The following ATAD1 variants were observed in gnomAD, a reference collection of about 807,000 sequenced individuals.
The protein encoded by ATAD1 is ATPase family AAA domain containing 1, also known as outer mitochondrial transmembrane helix translocase.
Under a neutral mutation model 42.7 loss-of-function variants are expected in ATAD1, and 18 were observed. The observed-to-expected ratio is 0.42, with a 90% CI of 0.29 to 0.63. The LOEUF (loss-of-function observed/expected upper bound fraction) is 0.63. Ranked by LOEUF, ATAD1 falls within the 20% of genes least tolerant of loss-of-function variation. The probability of loss-of-function intolerance (pLI) is 0.19; values close to 1 mark genes in which losing one functional copy is unlikely to be tolerated. For synonymous variants in ATAD1, 132 were observed against 143.1 expected (o/e 0.92, Z 0.55); for missense variants, 294 against 440.4 (o/e 0.67, Z 2.98).
intron 1 of ATAD1, among the ~76,000 whole-genome samples, chr10:87,830,352 A>G (rs958927887): frequency 1.3e-5 from 2 of 152,192 alleles, no homozygotes; most frequent in Non-Finnish European, 2.9e-5. Context: ...TTGCTTTACT[A>G]TCTTACAAGT....
chr10:87,788,895 A>G (rs182983751), intron 4 of ATAD1, among the ~76,000 whole-genome samples: 2 of 152,176 alleles, frequency 1.3e-5, no homozygotes, highest in African/African-American at 2.4e-5. Context: ...GCAGGGGGGA[A>G]ATCACAATAA....
intron 1 of ATAD1, chr10:87,832,395 GAA>G (rs11339550): frequency 8.4e-5 from 12 of 143,058 alleles, no homozygotes; most frequent in South Asian, 2.2e-4. Flanking sequence ...TCCTATCTCA[GAA>G]AAAAAAAAAA....
At chr10:87,805,608 A>G (rs1031329914) in intron 2 of ATAD1, among the ~76,000 whole-genome samples, 5 of 151,540 alleles carry the variant, frequency 3.3e-5, no homozygotes, top group African/African-American at 1.2e-4. Flanking sequence ...TTTAGTCACA[A>G]TCTCTCCCCT....
At chr10:87,825,796 G>A (rs191771930) in intron 1 of ATAD1, among the ~76,000 whole-genome samples, 87 of 148,588 alleles carry the variant, frequency 5.9e-4, no homozygotes, top group African/African-American at 2.1e-3. Flanking sequence ...CAAACTCCTC[G>A]GCTTAAGCAA....
intron 1 of ATAD1, among the ~76,000 whole-genome samples, chr10:87,826,037 A>C (rs1029443204): frequency 1.3e-5 from 2 of 152,198 alleles, no homozygotes; most frequent in Non-Finnish European, 2.9e-5. Context: ...TAAGGATGAA[A>C]TATCTACTAG....
chr10:87,760,184 T>C (rs1001401571), intron 8 of ATAD1, among the ~76,000 whole-genome samples: 3 of 152,196 alleles, frequency 2.0e-5, no homozygotes, highest in Non-Finnish European at 2.9e-5. Flanking sequence ...GATGAGACCC[T>C]GATATGGTCT....
chr10:87,770,927 C>T (rs371287150), intron 7 of ATAD1, 25 bp downstream of exon 7: 2 of 1,591,726 alleles, frequency 1.3e-6, no homozygotes, highest in African/African-American at 2.7e-5. Flanking sequence ...TTTAACTCTT[C>T]ATAATATCAA....
chr10:87,756,392 T>C (rs1040736535), intron 9 of ATAD1, among the ~76,000 whole-genome samples: 1 of 152,258 alleles, frequency 6.6e-6, no homozygotes, highest in East Asian at 1.9e-4. Flanking sequence ...AACTTCACTA[T>C]ACTTTGGAAC....
rs75743328 is a variant in ATAD1, at chr10:87,789,321, C to T, written c.382+989G>A. 1.7e-4 allele frequency among the ~76,000 whole-genome samples: 26 copies of T among 152,248 alleles called. 2 individuals carry two copies. The East Asian group carries it at 4.4e-3, about 26-fold the overall frequency. ...TCTGCTAGATGAAAATAAGCTATCT[C>T]GTGAAATTTGGATCTGAACGCCATA... On this transcript the variant is annotated intron_variant, in intron 4 of 9. Transcript: ENST00000680024.
intron 1 of ATAD1, among the ~76,000 whole-genome samples, chr10:87,830,515 T>C (rs1335116321): frequency 6.6e-6 from 1 of 152,208 alleles, no homozygotes; most frequent in Non-Finnish European, 1.5e-5. Context: ...TTTTCCCCCC[T>C]GTCTTATGGT....
chr10:87,771,026 C>A lies in ATAD1; in HGVS notation c.706G>T (p.Ala236Ser). 2 of 1,612,928 alleles carry A rather than the reference C, an allele frequency of 1.2e-6. No homozygotes were observed. The highest frequency in any genetic ancestry group is 1.7e-6 in the Non-Finnish European group (2 of 1,179,284). Residue 236 changes from alanine (A) to serine (S), a missense_variant, in exon 7 of 10, where the codon GCT (alanine) becomes TCT (serine). Physicochemically the swap from Ala to Ser is moderately conservative, Grantham distance 99 (BLOSUM62 1). This residue lies in a region of ATAD1 where 142 missense variants were observed against 174.6 expected (regional missense o/e 0.81). Coordinates refer to ENST00000680024, the MANE Select transcript of ATAD1 (RefSeq NM_001321967.2). ...DHSCQVIVMG[A>S]TNRPQDLDSA... Reference sequence around the variant, plus strand: ...TCAAGGTCCTGAGGACGATTGGTAGCTCCCATTACTATGACCTAAGTGTAT... The same window carrying A: ...TCAAGGTCCTGAGGACGATTGGTAGATCCCATTACTATGACCTAAGTGTAT...
upstream of ATAD1, among the ~76,000 whole-genome samples, chr10:87,822,089 A>G (rs1011200793): frequency 6.6e-6 from 1 of 152,232 alleles, no homozygotes; most frequent in Non-Finnish European, 1.5e-5. Flanking sequence ...ATCTTTGAAT[A>G]AGTAAACACA....
chr10:87,757,644 G>C (rs949966300), intron 8 of ATAD1, among the ~76,000 whole-genome samples: 2 of 152,190 alleles, frequency 1.3e-5, no homozygotes, highest in Admixed American at 6.5e-5. Flanking sequence ...GTCAGAGCCA[G>C]GATTTGAACA....
Position 87,816,209 on chromosome 10 carries a change from C to T in ATAD1, c.-13-1597G>A, listed in dbSNP as rs1857408265. Among the ~76,000 whole-genome samples the T allele has an allele frequency of 2.6e-5, 4 of 152,046 alleles. No homozygotes were observed. In the South Asian group the frequency reaches 8.3e-4, roughly 31 times the overall value. ...ACACAAAACAGACGTTTATAATTGCCACACACAAAACAGAGGCTATTCAAA... is the reference window on the plus strand; with the variant it reads ...ACACAAAACAGACGTTTATAATTGCTACACACAAAACAGAGGCTATTCAAA... On this transcript the variant is annotated intron_variant, in intron 1 of 9. Transcript: ENST00000680024.
intron 1 of ATAD1, chr10:87,832,113 A>G (rs1343076046): frequency 1.6e-5 from 2 of 121,630 alleles, no homozygotes; most frequent in African/African-American, 6.4e-5. Flanking sequence ...TTGCTCTCTC[A>G]CCCAGGCTGG....
At chr10:87,821,801 A>T (rs1312211515), upstream of ATAD1, among the ~76,000 whole-genome samples, 2 of 152,234 alleles carry the variant, frequency 1.3e-5, no homozygotes, top group Non-Finnish European at 2.9e-5. Context: ...GAACTGGGAG[A>T]AATAAATTTC....
Position 87,811,161 on chromosome 10 carries a change from C to T in ATAD1, c.162+3277G>A, listed in dbSNP as rs968526353. On this transcript the variant is annotated intron_variant, in intron 2 of 9. Coordinates refer to ENST00000680024, the MANE Select transcript of ATAD1 (RefSeq NM_001321967.2). ...CAGCCTGGTCAACATGGTGAAACCC[C>T]GTCTCTACTAAAACTACAAAAATTA... is the stretch of plus-strand genomic sequence containing the variant. Among the ~76,000 whole-genome samples, 14 of 151,902 alleles carry T rather than the reference C, an allele frequency of 9.2e-5. 1 individual carries two copies. Among genetic ancestry groups the T allele is most frequent in the Non-Finnish European group, 2.1e-4 (14 of 67,990 alleles).
intron 4 of ATAD1, among the ~76,000 whole-genome samples, chr10:87,786,741 G>T (rs185061915): frequency 6.6e-6 from 1 of 152,178 alleles, no homozygotes; most frequent in African/African-American, 2.4e-5. Context: ...CAGATCACGA[G>T]GTGAGGAGAT....
At position 87,803,124 on chromosome 10, in the gene ATAD1, T is replaced by C. The variant is rs557660427; in HGVS notation, c.163-10369A>G. Among the ~76,000 whole-genome samples the C allele has an allele frequency of 2.0e-5, 3 of 152,220 alleles. No individual in the cohort carries two copies. In the South Asian group the frequency reaches 6.2e-4, roughly 32 times the overall value. On this transcript the variant is annotated intron_variant, in intron 2 of 9. Transcript: ENST00000680024. ...TGTGGCCTATATAAATTTTCCAGGA[T>C]TTGTTTTTTGTTTTTTGTTGTTTTT...
Sources: allele counts gnomAD v4.1 joint callset (sites outside exome capture counted in the v4.1 genomes callset), GRCh38; gene constraint gnomAD v4.1.1; regional missense constraint gnomAD v4.1.1; transcripts MANE v1.5; gene names NCBI Gene and HGNC (gene_info 2026-07-23, HGNC 2026-07-21).